GALNT7: variants seen among roughly 807,000 people sequenced by gnomAD.
The protein encoded by GALNT7 is N-acetylgalactosaminyltransferase 7.
In GALNT7, 60 loss-of-function variants were observed where a neutral mutation model predicts 82.1. The observed-to-expected ratio is 0.73, with a 90% CI of 0.59 to 0.91. The LOEUF is 0.91. Among genes scored for constraint, GALNT7 ranks in the 40% least tolerant of loss-of-function variants. The probability of loss-of-function intolerance (pLI) is 0.00; values close to 1 mark genes in which losing one functional copy is unlikely to be tolerated. For missense variants in GALNT7, 660 were observed against 804.2 expected (o/e 0.82, Z 2.17); for synonymous variants, 243 against 275.1 (o/e 0.88, Z 1.15).
intron 1 of GALNT7, among the ~76,000 whole-genome samples, chr4:173,203,118 C>T (rs531407251): frequency 2.0e-5 from 3 of 150,214 alleles, no homozygotes; most frequent in East Asian, 2.0e-4. Flanking sequence ...TTTTTTGAGA[C>T]GGAGTCTCGC....
chr4:173,224,608 C>A (rs192828366), intron 1 of GALNT7, among the ~76,000 whole-genome samples: 1 of 152,268 alleles, frequency 6.6e-6, no homozygotes, highest in East Asian at 1.9e-4. Context: ...TTAAAACTTG[C>A]AATATATTTA....
intron 1 of GALNT7, among the ~76,000 whole-genome samples, chr4:173,182,977 T>C (rs1012474523): frequency 6.8e-6 from 1 of 146,382 alleles, no homozygotes; most frequent in Non-Finnish European, 1.5e-5. Flanking sequence ...CCTGATACTT[T>C]TAAATTAAAG....
At chr4:173,175,591 A>G (rs950869108) in intron 1 of GALNT7, among the ~76,000 whole-genome samples, 8 of 152,220 alleles carry the variant, frequency 5.3e-5, no homozygotes, top group Non-Finnish European at 7.3e-5. Flanking sequence ...GACAATATAG[A>G]TGGTCCCTGA....
rs111518624 is a variant in GALNT7, at chr4:173,281,455, C to T, written c.588-10653C>T. ...TCCATCCCATAGAGTTGCCACATGTCATCCTATTCCTTATTACTGTGACCC... is the reference window on the plus strand; with the variant it reads ...TCCATCCCATAGAGTTGCCACATGTTATCCTATTCCTTATTACTGTGACCC... On this transcript the variant is annotated intron_variant, in intron 2 of 11. Transcript: ENST00000265000. Among the ~76,000 whole-genome samples, 666 of 152,260 alleles carry T rather than the reference C, an allele frequency of 4.4e-3. 4 individuals are homozygous for T. Among genetic ancestry groups the T allele is most frequent in the South Asian group, 0.019 (94 of 4,822 alleles).
chr4:173,224,876 G>T (rs369115969), intron 1 of GALNT7, among the ~76,000 whole-genome samples: 1 of 151,736 alleles, frequency 6.6e-6, no homozygotes, highest in Non-Finnish European at 1.5e-5. Context: ...TTAGCCAGGC[G>T]TGGTGGCGCG....
intron 5 of GALNT7, chr4:173,297,747 C>G: frequency 2.1e-6 from 2 of 930,366 alleles, no homozygotes; most frequent in Non-Finnish European, 3.0e-6. Context: ...GCATGCTGAA[C>G]TAGTCTTGGG....
At chr4:173,235,459 A>T (rs1021913999) in intron 1 of GALNT7, among the ~76,000 whole-genome samples, 5 of 151,918 alleles carry the variant, frequency 3.3e-5, no homozygotes, top group African/African-American at 1.2e-4. Context: ...TCTACCTGGG[A>T]TACTCTTCCC....
At chr4:173,282,365 T>G (rs942339033) in intron 2 of GALNT7, 1 of 152,246 alleles carries the variant, frequency 6.6e-6, no homozygotes, top group Non-Finnish European at 1.5e-5. Flanking sequence ...GCTTCTTTTC[T>G]GGACGCTGTC....
intron 1 of GALNT7, among the ~76,000 whole-genome samples, chr4:173,239,600 A>T (rs530662003): frequency 6.6e-6 from 1 of 152,334 alleles, no homozygotes; most frequent in Admixed American, 6.5e-5. Context: ...CCATGGGAGG[A>T]GGGCAGAGTT....
At chr4:173,300,465 G>C (rs1299715142) in intron 6 of GALNT7, among the ~76,000 whole-genome samples, 1 of 152,186 alleles carries the variant, frequency 6.6e-6, no homozygotes, top group Non-Finnish European at 1.5e-5. Flanking sequence ...AGGCCCTTCT[G>C]ACAAAGTGTC....
In GALNT7 at chr4:173,248,077, T is replaced by C. The variant is rs778840297; in HGVS notation, c.224T>C (p.Val75Ala). ...RFKPVVPWPH[V>A]EGVEVDLESI... ...AAACCTGTGGTACCATGGCCTCATG[T>C]TGAAGGAGTAGAAGTGGACTTAGAG... The change falls in exon 2 of 12, where the codon GTT (valine) becomes GCT (alanine). Residue 75 changes from valine to alanine, a missense_variant. Physicochemically the swap from Val to Ala is moderately conservative, Grantham distance 64 (BLOSUM62 0). This residue lies in a region of GALNT7 where 133 missense variants were observed against 120.7 expected (regional missense o/e 1.10). Transcript: ENST00000265000. The C allele has an allele frequency of 1.2e-6, 2 of 1,613,528 alleles. No individual in the cohort carries two copies. The highest frequency in any genetic ancestry group is 1.7e-6 in the Non-Finnish European group (2 of 1,179,578).
At chr4:173,193,381 T>C (rs1732683981) in intron 1 of GALNT7, among the ~76,000 whole-genome samples, 1 of 152,176 alleles carries the variant, frequency 6.6e-6, no homozygotes. Context: ...AAAATTCACA[T>C]GGAAGCCAGG....
Position 173,318,486 on chromosome 4 carries a change from A to T in GALNT7, c.1763A>T (p.Lys588Met). 2 of 1,594,254 alleles carry T rather than the reference A, an allele frequency of 1.3e-6. No homozygotes were observed. The highest frequency in any genetic ancestry group is 3.4e-5 in the Admixed American group (2 of 59,628). ...ATGCAGTATGACCAGTGTTTGACAA[A>T]GGGAGCTGATGGATCAAAAGTTATG... ...QLMQYDQCLT[K>M]GADGSKVMIT... Residue 588 changes from lysine (K) to methionine (M), a missense_variant, in exon 11 of 12, where the codon AAG becomes ATG. By Grantham distance (95) the Lys-to-Met change is moderately conservative. This residue lies in a region of GALNT7 where 527 missense variants were observed against 683.5 expected (regional missense o/e 0.77). Transcript: ENST00000265000.
chr4:173,279,249 A>G (rs973654768), intron 2 of GALNT7, among the ~76,000 whole-genome samples: 1 of 152,208 alleles, frequency 6.6e-6, no homozygotes, highest in African/African-American at 2.4e-5. Flanking sequence ...AAGGGGGAGC[A>G]GGTCTCACAT....
intron 1 of GALNT7, among the ~76,000 whole-genome samples, chr4:173,232,126 C>T (rs991175422): frequency 6.6e-6 from 1 of 152,004 alleles, no homozygotes; most frequent in Non-Finnish European, 1.5e-5. Flanking sequence ...ACCCTAGAGG[C>T]AGGACTGAAA....
rs778293721 is a variant in GALNT7 at position 173,292,259 on chromosome 4, G to A, written c.739G>A (p.Asp247Asn). Residue 247 changes from aspartate to asparagine, a missense_variant, in exon 3 of 12, where the codon GAT becomes AAT. Coordinates refer to ENST00000265000, the MANE Select transcript of GALNT7 (RefSeq NM_017423.3). This position sits in a 1 kb window ranked among gnomAD's most constrained non-coding sequence, Gnocchi z 4.8. Reference sequence around the variant, plus strand: ...TTTAGCAGAAATTGTGTTAATTGACGATTTCAGTAATAAAGGTAATGGCTG... The same window carrying A: ...TTTAGCAGAAATTGTGTTAATTGACAATTTCAGTAATAAAGGTAATGGCTG... Reference protein sequence around the residue: ...KYLAEIVLIDDFSNKEHLKEK... With the variant: ...KYLAEIVLIDNFSNKEHLKEK... The A allele has an allele frequency of 4.5e-6, 7 of 1,566,930 alleles. No homozygotes were observed. Among genetic ancestry groups the A allele is most frequent in the Admixed American group, 1.9e-5 (1 of 53,892 alleles).
At chr4:173,257,640 G>A (rs1239302397) in intron 2 of GALNT7, among the ~76,000 whole-genome samples, 2 of 152,156 alleles carry the variant, frequency 1.3e-5, no homozygotes, top group Non-Finnish European at 2.9e-5. Context: ...AATCCTAGGG[G>A]AGATTCCACT....
rs536144220 is a variant in GALNT7 at position 173,256,095 on chromosome 4, A to G, written c.587+7655A>G. ...GCTAAAGAGACAGCCATAAAAAATTATTTATGAAGACCTTAAGGGGAAAAA... is the reference window on the plus strand; with the variant it reads ...GCTAAAGAGACAGCCATAAAAAATTGTTTATGAAGACCTTAAGGGGAAAAA... On this transcript the variant is annotated intron_variant, in intron 2 of 11. Coordinates refer to ENST00000265000, the MANE Select transcript of GALNT7 (RefSeq NM_017423.3). Among the ~76,000 whole-genome samples the G allele has an allele frequency of 2.0e-5, 3 of 152,330 alleles. No homozygotes were observed. In the South Asian group the frequency reaches 6.2e-4, roughly 32 times the overall value.
intron 1 of GALNT7, among the ~76,000 whole-genome samples, chr4:173,184,615 C>T: frequency 8.4e-6 from 1 of 119,122 alleles, no homozygotes; most frequent in East Asian, 2.4e-4. Flanking sequence ...CAGAGGGAGA[C>T]CAGGGAGAGG....
Sources: allele counts gnomAD v4.1 joint callset (sites outside exome capture counted in the v4.1 genomes callset), GRCh38; gene constraint gnomAD v4.1.1; regional missense constraint gnomAD v4.1.1; non-coding constraint Gnocchi (gnomAD v3.1); transcripts MANE v1.5; gene names NCBI Gene and HGNC (gene_info 2026-07-23, HGNC 2026-07-21).